The following CDH13 variants were observed in gnomAD, a reference collection of about 807,000 sequenced individuals.
The protein encoded by CDH13 is cadherin 13.
CDH13 carries 24 observed loss-of-function variants against 63.8 expected under a neutral mutation model. That is an observed-to-expected ratio of 0.38 (90% confidence interval 0.27 to 0.53). CDH13 has a LOEUF of 0.53. Among genes scored for constraint, CDH13 ranks in the 20% least tolerant of loss-of-function variants. The pLI is 0.85. For synonymous variants in CDH13, 503 were observed against 355.3 expected, an observed-to-expected ratio of 1.42 and a Z score of -4.67; for missense variants, 1,049 against 903.1, an observed-to-expected ratio of 1.16 and a Z score of -2.07.
At chr16:83,243,590 G>A (rs1322246321) in intron 5 of CDH13, among the ~76,000 whole-genome samples, 1 of 152,160 alleles carries the variant, frequency 6.6e-6, no homozygotes, top group African/African-American at 2.4e-5. Context: ...TGTACAGGGG[G>A]CTGGGAGATT....
chr16:83,704,292 A>T (rs1906683793), intron 10 of CDH13, among the ~76,000 whole-genome samples: 1 of 152,168 alleles, frequency 6.6e-6, no homozygotes, highest in African/African-American at 2.4e-5. Context: ...ATAATGAACA[A>T]AAATAACAAT....
intron 7 of CDH13, among the ~76,000 whole-genome samples, chr16:83,582,718 C>A (rs1238305349): frequency 6.6e-6 from 1 of 152,150 alleles, no homozygotes; most frequent in African/African-American, 2.4e-5. Flanking sequence ...GTGCTGACGG[C>A]CAGTGGAAAT....
chr16:83,784,733 C>G (rs188941967), intron 13 of CDH13, among the ~76,000 whole-genome samples: 16 of 152,178 alleles, frequency 1.1e-4, no homozygotes, highest in Admixed American at 3.3e-4. Context: ...CCCTCCTGAC[C>G]TGCCCCTCTG....
intron 6 of CDH13, among the ~76,000 whole-genome samples, chr16:83,481,966 C>T (rs960509454): frequency 3.9e-5 from 6 of 152,170 alleles, no homozygotes; most frequent in Admixed American, 3.3e-4. Context: ...AGGCATCACC[C>T]ACAGGCAATT....
At chr16:83,783,172 T>G in intron 12 of CDH13, 82 bp from the exon 13 acceptor site, 2 of 884,034 alleles carry the variant, frequency 2.3e-6, no homozygotes, top group East Asian at 2.6e-5. Context: ...GCCTGTTTGG[T>G]GTGACTTTCA....
rs151033734 is a variant in CDH13 at position 83,492,945 on chromosome 16, G to A, written c.960+6290G>A. 8.6e-4 allele frequency among the ~76,000 whole-genome samples: 131 copies of A among 152,286 alleles called. 2 individuals are homozygous for A. Among genetic ancestry groups the A allele is most frequent in the Non-Finnish European group, 1.0e-3 (68 of 68,022 alleles). On this transcript the variant is annotated intron_variant, in intron 7 of 13. Transcript: ENST00000567109. ...CCGTGGCTAGTCTCTTAGTATGACC[G>A]CAATTTAGTTGAAACCTGGCTTCAG... is the stretch of plus-strand genomic sequence containing the variant.
intron 4 of CDH13, among the ~76,000 whole-genome samples, chr16:83,191,039 A>G (rs1263075932): frequency 2.0e-5 from 3 of 151,712 alleles, no homozygotes; most frequent in African/African-American, 4.8e-5. Flanking sequence ...AAATTGCTTT[A>G]TGTAGTGATT....
At chr16:83,120,468 A>G (rs1207732569) in intron 3 of CDH13, among the ~76,000 whole-genome samples, 2 of 152,170 alleles carry the variant, frequency 1.3e-5, no homozygotes, top group African/African-American at 4.8e-5. Context: ...CTTTGTCATT[A>G]CTTTGGACAC....
In CDH13 at chr16:82,873,928, C is replaced by T. The variant is rs72790104; in HGVS notation, c.157+15455C>T. Among the ~76,000 whole-genome samples, 8 of 152,270 alleles carry T rather than the reference C, an allele frequency of 5.3e-5. No individual in the cohort carries two copies. The Middle Eastern group carries it at 0.01, about 194-fold the overall frequency. On this transcript the variant is annotated intron_variant, in intron 2 of 13. Coordinates refer to ENST00000567109, the MANE Select transcript of CDH13 (RefSeq NM_001257.5). Reference sequence around the variant, plus strand: ...ACTTGTTCTCCCCCACCCCTGACCACTTCTCACTCATGCTTGGTCTCTTTG... The same window carrying T: ...ACTTGTTCTCCCCCACCCCTGACCATTTCTCACTCATGCTTGGTCTCTTTG...
At chr16:82,883,556 A>G (rs1375781766) in intron 2 of CDH13, among the ~76,000 whole-genome samples, 1 of 152,182 alleles carries the variant, frequency 6.6e-6, no homozygotes, top group Non-Finnish European at 1.5e-5. Context: ...TAGCAAACCC[A>G]TGCTTTGTCT....
At chr16:83,091,524 C>G (rs756300357) in intron 3 of CDH13, among the ~76,000 whole-genome samples, 35 of 152,156 alleles carry the variant, frequency 2.3e-4, no homozygotes, top group Admixed American at 2.6e-4. Flanking sequence ...TGCCTTCATT[C>G]CTTGGGGAGG....
intron 2 of CDH13, among the ~76,000 whole-genome samples, chr16:82,979,475 G>A (rs528305591): frequency 1.1e-4 from 17 of 152,188 alleles, no homozygotes; most frequent in Non-Finnish European, 1.5e-4. Context: ...GGATCATGGG[G>A]GTGGTTACCC....
At chr16:83,643,773 G>A (rs1328217110) in intron 8 of CDH13, among the ~76,000 whole-genome samples, 1 of 152,150 alleles carries the variant, frequency 6.6e-6, no homozygotes, top group African/African-American at 2.4e-5. Flanking sequence ...GAGACAGGTA[G>A]TACTGCAAAT....
intron 5 of CDH13, among the ~76,000 whole-genome samples, chr16:83,252,692 C>A (rs1210607752): frequency 1.3e-5 from 2 of 152,106 alleles, no homozygotes; most frequent in African/African-American, 4.8e-5. Context: ...TTAGAAGACA[C>A]TTGGTGGAGA....
At chr16:83,096,643 A>G (rs2034210058) in intron 3 of CDH13, among the ~76,000 whole-genome samples, 1 of 152,180 alleles carries the variant, frequency 6.6e-6, no homozygotes. Context: ...TCGTGTGTCA[A>G]TGCAAAGTGA....
chr16:83,145,870 C>G (rs971432418), intron 4 of CDH13, among the ~76,000 whole-genome samples: 4 of 152,088 alleles, frequency 2.6e-5, no homozygotes, highest in Non-Finnish European at 4.4e-5. Flanking sequence ...GAGGATGTCA[C>G]ATTTAAACTG....
intron 6 of CDH13, among the ~76,000 whole-genome samples, chr16:83,381,882 C>T (rs1211017600): frequency 6.6e-6 from 1 of 152,184 alleles, no homozygotes; most frequent in Non-Finnish European, 1.5e-5. Flanking sequence ...AGTATAAAAT[C>T]ATATGGATGA....
intron 2 of CDH13, among the ~76,000 whole-genome samples, chr16:82,972,572 C>A (rs572971670): frequency 2.6e-5 from 4 of 152,178 alleles, no homozygotes; most frequent in Admixed American, 2.6e-4. Context: ...GCAGTAGTAA[C>A]AGCACTTCCA....
intron 5 of CDH13, among the ~76,000 whole-genome samples, chr16:83,219,377 A>C (rs998005734): frequency 6.6e-6 from 1 of 152,242 alleles, no homozygotes; most frequent in Non-Finnish European, 1.5e-5. Flanking sequence ...ACACAGCCAG[A>C]TTGGCTGCAT....
Sources: gnomAD v4.1 joint callset for allele counts (sites outside exome capture counted in the v4.1 genomes callset) on GRCh38, gnomAD v4.1.1 for gene constraint, MANE v1.5 for transcripts, NCBI Gene and HGNC (gene_info 2026-07-23, HGNC 2026-07-21) for gene names.